TASP1: variants seen among roughly 807,000 people sequenced by gnomAD.
TASP1 encodes the protein taspase 1.
In TASP1, 16 loss-of-function variants were observed where a neutral mutation model predicts 56.6. The ratio of observed to expected loss-of-function variants is 0.28; its 90% CI spans 0.19 to 0.43. TASP1 has a LOEUF of 0.43. Ranked by LOEUF, TASP1 falls within the 20% of genes least tolerant of loss-of-function variation. The pLI, the probability that TASP1 is intolerant of heterozygous loss-of-function variation, is 1.00. For missense variants in TASP1, 393 were observed against 511.6 expected (o/e 0.77, Z 2.24); for synonymous variants, 179 against 184.2 (o/e 0.97, Z 0.23).
chr20:13,504,837 A>G (rs2044071646), intron 10 of TASP1, among the ~76,000 whole-genome samples: 2 of 152,164 alleles, frequency 1.3e-5, no homozygotes, highest in Non-Finnish European at 2.9e-5. Context: ...ACAAAGCAAA[A>G]GAGCATGACA....
the TASP1 span, among the ~76,000 whole-genome samples, chr20:13,290,378 G>A: frequency 2.1e-4 from 32 of 152,206 alleles, no homozygotes; most frequent in Non-Finnish European, 3.4e-4. Flanking sequence ...TGCCTGGTGC[G>A]GTGGCTCATG....
At chr20:13,260,562 A>C in the TASP1 span, among the ~76,000 whole-genome samples, 1 of 150,834 alleles carries the variant, frequency 6.6e-6, no homozygotes, top group Non-Finnish European at 1.5e-5. Flanking sequence ...TAATCTCCCC[A>C]CCCTCAATTT....
At chr20:13,157,336 T>C in the TASP1 span, among the ~76,000 whole-genome samples, 1 of 151,450 alleles carries the variant, frequency 6.6e-6, no homozygotes, top group Admixed American at 6.6e-5. Context: ...ACTTGGGAGA[T>C]TGAGGCAGGA....
chr20:13,491,075 A>C (rs966214649), intron 10 of TASP1, among the ~76,000 whole-genome samples: 9 of 152,046 alleles, frequency 5.9e-5, no homozygotes, highest in African/African-American at 2.2e-4. Context: ...ATAGAATTTA[A>C]AAGTTTATCC....
chr20:13,238,281 T>A, the TASP1 span, among the ~76,000 whole-genome samples: 1 of 152,176 alleles, frequency 6.6e-6, no homozygotes, highest in Non-Finnish European at 1.5e-5. Flanking sequence ...TATATTTTTA[T>A]GCTCTAGCCC....
At chr20:13,247,012 G>A in the TASP1 span, among the ~76,000 whole-genome samples, 2 of 152,000 alleles carry the variant, frequency 1.3e-5, no homozygotes, top group Non-Finnish European at 2.9e-5. Context: ...GAGGCGGGTG[G>A]ATCACCTGAG....
chr20:13,433,307 A>T (rs916202986), intron 12 of TASP1, among the ~76,000 whole-genome samples: 4 of 152,076 alleles, frequency 2.6e-5, no homozygotes, highest in Non-Finnish European at 4.4e-5. Flanking sequence ...GGTTTTATGT[A>T]AACCCCATGT....
chr20:13,204,739 G>A, the TASP1 span, among the ~76,000 whole-genome samples: 1 of 152,068 alleles, frequency 6.6e-6, no homozygotes, highest in Non-Finnish European at 1.5e-5. Flanking sequence ...TTTGGATTTG[G>A]TATGAAGTAA....
intron 6 of TASP1, among the ~76,000 whole-genome samples, chr20:13,580,572 G>T (rs888183354): frequency 3.3e-5 from 5 of 151,938 alleles, no homozygotes; most frequent in Non-Finnish European, 7.4e-5. Context: ...GGTTTATAAG[G>T]GCTATTTACT....
At chr20:13,566,996 A>G (rs1455850457) in intron 7 of TASP1, among the ~76,000 whole-genome samples, 1 of 152,192 alleles carries the variant, frequency 6.6e-6, no homozygotes, top group East Asian at 1.9e-4. Flanking sequence ...CTGCAGCACT[A>G]TTCACAACAG....
chr20:13,271,785 AT>A, the TASP1 span, among the ~76,000 whole-genome samples: 18 of 151,754 alleles, frequency 1.2e-4, no homozygotes, highest in African/African-American at 3.9e-4. Flanking sequence ...CTGCTTCCAT[AT>A]TTTTTTTAAA....
intron 10 of TASP1, among the ~76,000 whole-genome samples, chr20:13,501,008 C>A (rs2043925961): frequency 6.6e-6 from 1 of 151,966 alleles, no homozygotes; most frequent in Non-Finnish European, 1.5e-5. Flanking sequence ...ACATTACATA[C>A]AAAGAGACCA....
chr20:13,509,627 G>C (rs140533881), intron 10 of TASP1, among the ~76,000 whole-genome samples: 1 of 151,922 alleles, frequency 6.6e-6, no homozygotes. Flanking sequence ...TTCTTTTCCT[G>C]TTTTTGTTTT....
At chr20:13,211,403 C>T in the TASP1 span, among the ~76,000 whole-genome samples, 5 of 152,232 alleles carry the variant, frequency 3.3e-5, no homozygotes, top group East Asian at 5.8e-4. Flanking sequence ...CTGAAAGTCT[C>T]AACCAAAATC....
At chr20:13,351,837 T>A in the TASP1 span, among the ~76,000 whole-genome samples, 1 of 152,236 alleles carries the variant, frequency 6.6e-6, no homozygotes, top group Non-Finnish European at 1.5e-5. Flanking sequence ...GTGCTATTTT[T>A]AATAGAACAT....
chr20:13,288,467 A>G, the TASP1 span: 7 of 1,494,172 alleles, frequency 4.7e-6, no homozygotes, highest in African/African-American at 2.8e-5. Context: ...TGAATAATTG[A>G]CAGGCTGCTT....
At chr20:13,479,900 C>A (rs1350310033) in intron 11 of TASP1, among the ~76,000 whole-genome samples, 1 of 152,164 alleles carries the variant, frequency 6.6e-6, no homozygotes, top group Non-Finnish European at 1.5e-5. Context: ...TTTGCCCCCT[C>A]CTTTTACATA....
intron 4 of TASP1, among the ~76,000 whole-genome samples, chr20:13,608,101 T>A (rs2048224252): frequency 6.6e-6 from 1 of 152,234 alleles, no homozygotes; most frequent in South Asian, 2.1e-4. Context: ...TTAAAAGAGT[T>A]ACAAAAACAG....
At chr20:13,516,452 A>ATCCAGCCCTG (rs1027093141) in intron 10 of TASP1, among the ~76,000 whole-genome samples, 3 of 152,224 alleles carry the variant, frequency 2.0e-5, no homozygotes, top group African/African-American at 7.2e-5. Flanking sequence ...AGAAATGAAA[A>ATCCAGCCCTG]TCCAGCCCTG....
Sources: allele counts gnomAD v4.1 joint callset (sites outside exome capture counted in the v4.1 genomes callset), GRCh38; gene constraint gnomAD v4.1.1; transcripts MANE v1.5; gene names NCBI Gene and HGNC (gene_info 2026-07-23, HGNC 2026-07-21).